Variants in FBXO42 observed in about 807,000 individuals in gnomAD.
FBXO42 encodes the protein F-box protein 42.
In FBXO42, 12 loss-of-function variants were observed where a neutral mutation model predicts 71.7. The observed-to-expected ratio is 0.17, with a 90% CI of 0.11 to 0.27. The LOEUF is 0.27. FBXO42 is among the 10% of genes least tolerant of loss of function. FBXO42 has a pLI of 1.00. For missense variants in FBXO42, 707 were observed against 911.9 expected (o/e 0.78, Z 2.89); for synonymous variants, 325 against 327.5 (o/e 0.99, Z 0.08).
At chr1:16,266,570 A>G (rs1029453226) in intron 4 of FBXO42, among the ~76,000 whole-genome samples, 2 of 152,208 alleles carry the variant, frequency 1.3e-5, no homozygotes, top group African/African-American at 4.8e-5. Context: ...AAGTAATGCC[A>G]GATAGACCAG....
chr1:16,321,939 T>A (rs960082812), intron 1 of FBXO42, among the ~76,000 whole-genome samples: 2 of 151,322 alleles, frequency 1.3e-5, no homozygotes, highest in East Asian at 3.9e-4. Context: ...GAGTCCGAGG[T>A]GGGTGGATCA....
chr1:16,287,528 G>T (rs2082034863), intron 4 of FBXO42, among the ~76,000 whole-genome samples: 2 of 152,164 alleles, frequency 1.3e-5, no homozygotes, highest in African/African-American at 2.4e-5. Context: ...ATGAATATTT[G>T]TTACATGAAC....
chr1:16,349,953 T>C (rs1394655459), intron 1 of FBXO42, among the ~76,000 whole-genome samples: 1 of 152,228 alleles, frequency 6.6e-6, no homozygotes, highest in Non-Finnish European at 1.5e-5. Flanking sequence ...AGCTTCTCCC[T>C]GGGACCTCAG....
rs1553151074 is a variant in FBXO42 at position 16,279,854 on chromosome 1, C to CTTTTTTTTT, written c.502+14920_502+14928dup. 5.8e-5 allele frequency among the ~76,000 whole-genome samples: 8 copies of CTTTTTTTTT among 138,194 alleles called. 1 individual carries two copies. Among genetic ancestry groups the CTTTTTTTTT allele is most frequent in the Admixed American group, 2.2e-4 (3 of 13,786 alleles). The allele number at this position is 138,194 out of a possible 152,430, so 90.7% of individuals were successfully genotyped here. A position where few individuals can be genotyped will look rare whatever the true frequency, so the allele number is the denominator to read the frequency against. ...TCATGTTGACAATGGTTTTTTTTTT[C>CTTTTTTTTT]TTTTTTTTTTGAGACAGAGTCTTGC... On this transcript the variant is annotated intron_variant, in intron 4 of 9. Transcript: ENST00000375592.
At chr1:16,255,851 A>C (rs1307514336) in intron 5 of FBXO42, 30 bp from the exon 6 acceptor site, 1 of 1,509,552 alleles carries the variant, frequency 6.6e-7, no homozygotes, top group Non-Finnish European at 9.2e-7. Flanking sequence ...GGAAGTCAAG[A>C]AGTCAGCACC....
intron 1 of FBXO42, among the ~76,000 whole-genome samples, chr1:16,344,269 A>C (rs1220445174): frequency 6.6e-6 from 1 of 151,250 alleles, no homozygotes; most frequent in East Asian, 1.9e-4. Flanking sequence ...AAGTGCTGGG[A>C]TTACTTTAAG....
At chr1:16,306,793 G>A (rs2082255766) in intron 2 of FBXO42, among the ~76,000 whole-genome samples, 1 of 152,150 alleles carries the variant, frequency 6.6e-6, no homozygotes, top group Non-Finnish European at 1.5e-5. Flanking sequence ...CTGCCTCCCA[G>A]GCTCAAGCAA....
At position 16,250,848 on chromosome 1, in the gene FBXO42, C is replaced by A; in HGVS notation, c.1976G>T (p.Arg659Leu). The A allele has an allele frequency of 6.2e-7, 1 of 1,614,154 alleles. No homozygotes were observed. Among genetic ancestry groups the A allele is most frequent in the Non-Finnish European group, 8.5e-7 (1 of 1,180,036 alleles). ...LDIKDTKEKG[R>L]VKWKVFNSSS... ...GCTATTAAATACTTTCCATTTGACCCGCCCCTTCTCCTTGGTGTCTTTAAT... is the reference window on the plus strand; with the variant it reads ...GCTATTAAATACTTTCCATTTGACCAGCCCCTTCTCCTTGGTGTCTTTAAT... Residue 659 changes from arginine (R) to leucine (L), a missense_variant, in exon 10 of 10, where the codon CGG (arginine) becomes CTG (leucine). Physicochemically the swap from Arg to Leu is moderately radical, Grantham distance 102. Transcript: ENST00000375592. This position sits in a 1 kb window ranked among gnomAD's most constrained non-coding sequence, Gnocchi z 4.7.
Position 16,305,901 on chromosome 1 carries a change from T to C in FBXO42, c.269A>G (p.Tyr90Cys), listed in dbSNP as rs867526201. ...RLIKGVAHQC[Y>C]HGFMKAVQEG... ...CTGGACAGCCTTCATGAAACCATGA[T>C]AACACTGATGGGCTACACCTAAGAC... The change falls in exon 3 of 10, where the codon TAT becomes TGT. Residue 90 changes from tyrosine to cysteine, a missense_variant. By Grantham distance (194) the Tyr-to-Cys change is radical. Transcript: ENST00000375592. 1.2e-6 allele frequency: 2 copies of C among 1,613,820 alleles called. No homozygotes were observed. Among genetic ancestry groups the C allele is most frequent in the African/African-American group, 1.3e-5 (1 of 75,026 alleles).
chr1:16,261,302 A>G (rs2081708697), intron 4 of FBXO42, among the ~76,000 whole-genome samples: 1 of 152,222 alleles, frequency 6.6e-6, no homozygotes, highest in Non-Finnish European at 1.5e-5. Flanking sequence ...AGGTAAGCTG[A>G]GGCCAGTGAT....
intron 2 of FBXO42, among the ~76,000 whole-genome samples, chr1:16,308,747 T>G (rs1179906758): frequency 7.0e-6 from 1 of 142,154 alleles, no homozygotes; most frequent in Non-Finnish European, 1.5e-5. Context: ...TCTGTTTTTT[T>G]TTTTTTTTTT....
chr1:16,347,931 G>A (rs1432919265), intron 1 of FBXO42, among the ~76,000 whole-genome samples: 2 of 150,754 alleles, frequency 1.3e-5, no homozygotes, highest in Admixed American at 6.6e-5. Context: ...GGAGCTTGCA[G>A]TGAGCCGAGA....
At chr1:16,289,754 G>C (rs1244571598) in intron 4 of FBXO42, among the ~76,000 whole-genome samples, 1 of 152,114 alleles carries the variant, frequency 6.6e-6, no homozygotes, top group Non-Finnish European at 1.5e-5. Context: ...GCAACATAGT[G>C]AGACCCCATC....
intron 3 of FBXO42, 62 bp from the exon 4 acceptor site, chr1:16,294,979 C>A: frequency 6.7e-7 from 1 of 1,500,722 alleles, no homozygotes; most frequent in African/African-American, 1.4e-5. Flanking sequence ...ACATTTTAAC[C>A]ATAACATATA....
chr1:16,322,669 C>T (rs927947138), intron 1 of FBXO42, among the ~76,000 whole-genome samples: 1 of 152,172 alleles, frequency 6.6e-6, no homozygotes, highest in African/African-American at 2.4e-5. Flanking sequence ...CCTTACCCTT[C>T]TGAGGTATAA....
intron 1 of FBXO42, among the ~76,000 whole-genome samples, chr1:16,342,828 T>C (rs1239856192): frequency 2.6e-5 from 4 of 152,196 alleles, no homozygotes; most frequent in Non-Finnish European, 2.9e-5. Flanking sequence ...GCTGTTCTCC[T>C]GGTAGTGAGT....
Position 16,253,682 on chromosome 1 carries a change from G to A in FBXO42, c.817C>T (p.Pro273Ser), listed in dbSNP as rs2081613245. ...TGAGGACTGGGGCCAGAGATGTTCG[G>A]CTTGGACCACGCCCACTGCTCAAGG... ...LDLEQWAWSK[P>S]NISGPSPHPR... The change falls in exon 7 of 10, where the codon CCG becomes TCG. Residue 273 changes from proline to serine, a missense_variant. Transcript: ENST00000375592. 6.2e-7 allele frequency: 1 copy of A among 1,614,196 alleles called. No individual in the cohort carries two copies. The highest frequency in any genetic ancestry group is 1.3e-5 in the African/African-American group (1 of 75,050).
intron 3 of FBXO42, among the ~76,000 whole-genome samples, chr1:16,300,393 T>C (rs901732661): frequency 4.6e-5 from 7 of 152,242 alleles, no homozygotes; most frequent in Admixed American, 2.6e-4. Context: ...CAGTTCTGAA[T>C]ACTTCTCCAC....
chr1:16,268,665 TTTAA>T (rs1366846570), intron 4 of FBXO42, among the ~76,000 whole-genome samples: 1 of 152,064 alleles, frequency 6.6e-6, no homozygotes, highest in Non-Finnish European at 1.5e-5. Flanking sequence ...AGCACATCAC[TTTAA>T]TAAGAACAAA....
Sources: gnomAD v4.1 joint callset for allele counts (sites outside exome capture counted in the v4.1 genomes callset) on GRCh38, gnomAD v4.1.1 for gene constraint, Gnocchi (gnomAD v3.1) non-coding constraint, MANE v1.5 for transcripts, NCBI Gene and HGNC (gene_info 2026-07-23, HGNC 2026-07-21) for gene names.